The following TRIM37 variants were observed in gnomAD, a reference collection of about 807,000 sequenced individuals.
TRIM37 encodes E3 ubiquitin-protein ligase TRIM37.
TRIM37 carries 80 observed loss-of-function variants against 129.8 expected under a neutral mutation model. The observed-to-expected ratio is 0.62, with a 90% CI of 0.51 to 0.74. TRIM37 has a LOEUF of 0.74. TRIM37 is among the 30% of genes least tolerant of loss of function. The pLI is 0.00. For synonymous variants in TRIM37, 389 were observed against 387.1 expected, an observed-to-expected ratio of 1.00 and a Z score of -0.06; for missense variants, 1,054 against 1,176.5, an observed-to-expected ratio of 0.90 and a Z score of 1.52.
intron 16 of TRIM37, 69 bp downstream of exon 16, chr17:59,047,614 G>A (rs2039948957): frequency 4.7e-6 from 7 of 1,480,778 alleles, no homozygotes; most frequent in South Asian, 2.3e-5. Flanking sequence ...ACATTTAAGT[G>A]TGAGTTAGTT....
chr17:58,980,942 T>G (rs199719648), downstream of TRIM37: 3 of 1,614,188 alleles, frequency 1.9e-6, no homozygotes, highest in Non-Finnish European at 2.5e-6. This position sits in a 1 kb window ranked among gnomAD's most constrained non-coding sequence, Gnocchi z 4.7. Context: ...GCAAAATAGT[T>G]GGAAAGGGTA....
intron 8 of TRIM37, among the ~76,000 whole-genome samples, chr17:59,072,363 G>A (rs553619360): frequency 1.3e-5 from 2 of 152,282 alleles, no homozygotes; most frequent in South Asian, 2.1e-4. Context: ...CCATATGAAT[G>A]ATATTCATAA....
At position 59,102,811 on chromosome 17, in the gene TRIM37, G is replaced by C. The variant is rs373294145; in HGVS notation, c.123+1482C>G. On this transcript the variant is annotated intron_variant, in intron 2 of 23. Transcript: ENST00000262294. ...GTGTGACTAGAAAAAAATTATTTAA[G>C]TGTTACGGATAATACTCTTGACAAA... Among the ~76,000 whole-genome samples, 77 of 152,286 alleles carry C rather than the reference G, an allele frequency of 5.1e-4. 1 individual carries two copies. In the South Asian group the frequency reaches 0.015, roughly 30 times the overall value.
At chr17:59,038,629 C>A (rs2038813379) in intron 17 of TRIM37, among the ~76,000 whole-genome samples, 1 of 152,030 alleles carries the variant, frequency 6.6e-6, no homozygotes, top group Admixed American at 6.6e-5. Flanking sequence ...CTCTTCTTTA[C>A]CCTAAGTGTA....
intron 2 of TRIM37, among the ~76,000 whole-genome samples, chr17:59,097,611 CT>C (rs2045029458): frequency 6.6e-6 from 1 of 151,926 alleles, no homozygotes; most frequent in South Asian, 2.1e-4. Context: ...TGGCTCACAC[CT>C]ATAATCCCAG....
At chr17:59,083,511 T>C (rs903043302) in intron 5 of TRIM37, among the ~76,000 whole-genome samples, 2 of 151,802 alleles carry the variant, frequency 1.3e-5, no homozygotes, top group African/African-American at 4.8e-5. Flanking sequence ...GAAAGCTAAC[T>C]TCAATGCTTC....
chr17:59,048,619 C>CA (rs2040046323), intron 15 of TRIM37, among the ~76,000 whole-genome samples: 1 of 151,514 alleles, frequency 6.6e-6, no homozygotes, highest in South Asian at 2.1e-4. Context: ...TTCTTTGAGA[C>CA]AGAGTCTTGC....
intron 13 of TRIM37, among the ~76,000 whole-genome samples, chr17:59,055,326 CTG>C (rs1179912860): frequency 1.0e-5 from 1 of 100,084 alleles, no homozygotes; most frequent in Non-Finnish European, 1.9e-5. Context: ...ACTAGAAACT[CTG>C]TCTCAAAAAA....
At chr17:59,033,056 A>G (rs941785242) in intron 17 of TRIM37, among the ~76,000 whole-genome samples, 5 of 152,220 alleles carry the variant, frequency 3.3e-5, no homozygotes, top group African/African-American at 1.2e-4. Flanking sequence ...CATAACAAAT[A>G]CCAGATATGG....
chr17:58,967,877 C>T, the TRIM37 span, among the ~76,000 whole-genome samples: 1 of 151,394 alleles, frequency 6.6e-6, no homozygotes, highest in Non-Finnish European at 1.5e-5. Context: ...GATCTCGACT[C>T]ACTGCAACCT....
intron 24 of TRIM37, chr17:58,984,133 T>G (rs563291303): frequency 5.3e-4 from 81 of 152,802 alleles, no homozygotes; most frequent in Non-Finnish European, 7.5e-4. Context: ...CTTGAATTAT[T>G]ATGATTAAAG....
At chr17:59,071,575 G>A (rs756556096) in intron 8 of TRIM37, among the ~76,000 whole-genome samples, 6 of 151,994 alleles carry the variant, frequency 3.9e-5, no homozygotes, top group Non-Finnish European at 8.8e-5. Context: ...GTGAGCCACC[G>A]TGCCCGACCA....
chr17:58,990,583 G>A lies in TRIM37; in HGVS notation c.2892-7662C>T, dbSNP rs556556722. On this transcript the variant is annotated intron_variant, in intron 24 of 24. Transcript: ENST00000393066. ...TGAGGCAGGTGGATCACAAGGTCAG[G>A]AGTTCAAGACCAGCCTGACCAACCT... 7.9e-5 allele frequency among the ~76,000 whole-genome samples: 12 copies of A among 151,808 alleles called. No individual in the cohort carries two copies. In the East Asian group the frequency reaches 1.6e-3, roughly 20 times the overall value.
intron 19 of TRIM37, among the ~76,000 whole-genome samples, chr17:59,020,717 GA>G (rs1160108114): frequency 2.0e-5 from 3 of 152,140 alleles, no homozygotes; most frequent in Admixed American, 1.3e-4. Context: ...ACAGGCATAT[GA>G]AAAAGTGCTC....
chr17:59,062,670 C>T (rs1555677297), intron 10 of TRIM37, 22 bp from the exon 11 acceptor site: 2 of 1,604,926 alleles, frequency 1.2e-6, no homozygotes, highest in South Asian at 2.2e-5. Context: ...GAAAACCAAC[C>T]AAATCCCAAG....
At chr17:58,978,955 C>T (rs1156711295), downstream of TRIM37, among the ~76,000 whole-genome samples, 2 of 152,094 alleles carry the variant, frequency 1.3e-5, no homozygotes, top group African/African-American at 4.8e-5. Context: ...CCCCAAGCAC[C>T]CTACTCTCCA....
rs376873094 is a variant in TRIM37, at chr17:59,081,258, T to C, written c.370-39A>G. On this transcript the variant is annotated intron_variant, in intron 5 of 23. Transcript: ENST00000262294. ...AGTAGCTTTAGAACACTTTCACATA[T>C]CTCATCTGCATTTACATTCCTTTGT... 22 of 1,602,662 alleles carry C rather than the reference T, an allele frequency of 1.4e-5. No homozygotes were observed. In the African/African-American group the frequency reaches 3.0e-4, roughly 22 times the overall value.
At chr17:59,071,564 C>A (rs1027821756) in intron 8 of TRIM37, among the ~76,000 whole-genome samples, 1 of 152,056 alleles carries the variant, frequency 6.6e-6, no homozygotes, top group Non-Finnish European at 1.5e-5. Context: ...GGATTACATG[C>A]GTGAGCCACC....
intron 2 of TRIM37, among the ~76,000 whole-genome samples, chr17:59,101,133 T>C (rs951173274): frequency 1.3e-5 from 2 of 151,938 alleles, no homozygotes; most frequent in Non-Finnish European, 2.9e-5. Flanking sequence ...TGAAAACAAG[T>C]AGGCAAGCAA....
Sources: allele counts gnomAD v4.1 joint callset (sites outside exome capture counted in the v4.1 genomes callset), GRCh38; gene constraint gnomAD v4.1.1; non-coding constraint Gnocchi (gnomAD v3.1); transcripts MANE v1.5; gene names NCBI Gene and HGNC (gene_info 2026-07-23, HGNC 2026-07-21).